Variants in CSMD2 observed in about 807,000 individuals in gnomAD.
CSMD2 encodes CUB and sushi domain-containing protein 2.
CSMD2 carries 130 observed loss-of-function variants against 398.5 expected under a neutral mutation model. The observed-to-expected ratio is 0.33, with a 90% CI of 0.28 to 0.38. The LOEUF (loss-of-function observed/expected upper bound fraction) is 0.38, where lower values mean the gene tolerates loss of function less well. Ranked by LOEUF, CSMD2 falls within the 10% of genes least tolerant of loss-of-function variation. The pLI is 1.00. For missense variants in CSMD2, 3,829 were observed against 4,764.9 expected, an observed-to-expected ratio of 0.80 and a Z score of 5.78; for synonymous variants, 1,828 against 1,908.5, an observed-to-expected ratio of 0.96 and a Z score of 1.10.
chr1:33,922,816 A>AAGCC (rs1643991126), intron 4 of CSMD2, among the ~76,000 whole-genome samples: 1 of 152,080 alleles, frequency 6.6e-6, no homozygotes, highest in South Asian at 2.1e-4. Context: ...GCTGTACCCC[A>AAGCC]AGCCATGTCA....
chr1:33,727,788 G>C (rs1646586219), intron 15 of CSMD2, among the ~76,000 whole-genome samples: 2 of 152,198 alleles, frequency 1.3e-5, no homozygotes, highest in Middle Eastern at 6.8e-3. Context: ...TGATTTTTAA[G>C]CCGCTGGGAT....
At chr1:33,558,298 G>A (rs1005295945) in intron 54 of CSMD2, among the ~76,000 whole-genome samples, 3 of 152,220 alleles carry the variant, frequency 2.0e-5, no homozygotes, top group African/African-American at 7.2e-5. Flanking sequence ...AGCAAAGCTT[G>A]TCAATTGTAA....
rs140783580 is a variant in CSMD2 at position 33,825,714 on chromosome 1, C to A, written c.1094G>T (p.Ser365Ile). 1 of 1,613,072 alleles carries A rather than the reference C, an allele frequency of 6.2e-7. No homozygotes were observed. The highest frequency in any genetic ancestry group is 8.5e-7 in the Non-Finnish European group (1 of 1,179,676). The part of the protein sequence containing the change: ...GVKLMPSKDN[S>I]QKTSVLTQVG... ...ACACTTACACACAGACGTCTTCTGG[C>A]TGTTGTCTTTGCTGGGCATCAGCTT... The change falls in exon 7 of 71, where the codon AGC becomes ATC. Residue 365 changes from serine (S) to isoleucine (I), a missense_variant. Ser to Ile is a moderately radical substitution (Grantham distance 142). This residue lies in a region of CSMD2 where 2,001 missense variants were observed against 2,567.1 expected (regional missense o/e 0.78). Transcript: ENST00000373381.
chr1:33,747,184 A>T (rs973949177), intron 13 of CSMD2, among the ~76,000 whole-genome samples: 3 of 152,218 alleles, frequency 2.0e-5, no homozygotes, highest in African/African-American at 7.2e-5. Flanking sequence ...CAAAAAGCAT[A>T]AAAAAAGATT....
intron 10 of CSMD2, among the ~76,000 whole-genome samples, chr1:33,808,354 T>C (rs1011549495): frequency 6.6e-5 from 10 of 151,802 alleles, no homozygotes; most frequent in African/African-American, 2.4e-4. Context: ...ATGTGAAAAA[T>C]GACCATTTCT....
At chr1:33,590,931 C>T (rs1487176554) in intron 44 of CSMD2, among the ~76,000 whole-genome samples, 1 of 150,240 alleles carries the variant, frequency 6.7e-6, no homozygotes, top group Non-Finnish European at 1.5e-5. Context: ...TGTTATTCCT[C>T]AAGCTGCTGG....
In CSMD2 at chr1:33,635,319, C is replaced by T. The variant is rs745669458; in HGVS notation, c.4981G>A (p.Gly1661Arg). The stretch of plus-strand genomic sequence containing the variant: ...ACTCCGTCCGAACCCACATACTGTC[C>T]CCCACAGGGGGCTGAAAGAGAAACC... ...PRPVCTAPCG[G>R]QYVGSDGVVL... Residue 1661 changes from glycine (G) to arginine (R), a missense_variant, in exon 31 of 71, where the codon GGA becomes AGA. By Grantham distance (125) the Gly-to-Arg change is moderately radical. This residue lies in a region of CSMD2 where 2,001 missense variants were observed against 2,567.1 expected (regional missense o/e 0.78). Transcript: ENST00000373381. The surrounding 1 kb of genome is among the most constrained non-coding windows in gnomAD (Gnocchi z 5.0). 1 of 1,607,588 alleles carries T rather than the reference C, an allele frequency of 6.2e-7. No homozygotes were observed. The highest frequency in any genetic ancestry group is 1.7e-5 in the Admixed American group (1 of 59,884).
chr1:33,947,734 G>C (rs556500831), intron 3 of CSMD2, among the ~76,000 whole-genome samples: 33 of 152,328 alleles, frequency 2.2e-4, no homozygotes, highest in African/African-American at 7.2e-4. Context: ...TTGAGTTCCC[G>C]TAGGGTGTCC....
chr1:33,843,904 G>T (rs1661106068), intron 6 of CSMD2, among the ~76,000 whole-genome samples: 1 of 152,126 alleles, frequency 6.6e-6, no homozygotes, highest in Non-Finnish European at 1.5e-5. Context: ...CTCTTCTATG[G>T]CTCCAGCTCT....
intron 3 of CSMD2, among the ~76,000 whole-genome samples, chr1:34,019,351 A>G (rs1472769795): frequency 6.6e-6 from 1 of 152,216 alleles, no homozygotes; most frequent in Non-Finnish European, 1.5e-5. Flanking sequence ...TCTATTCAGC[A>G]AGACTCTTCA....
Position 33,542,892 on chromosome 1 carries a change from G to A in CSMD2, c.9105C>T (p.Ile3035=). The change falls in exon 58 of 71, where the codon ATC becomes ATT. Residue 3035 remains isoleucine, a synonymous_variant. Transcript: ENST00000373381. ...TTGGAGTCCCAGGGTTCCCACAAGA[G>A]ATCACTAGGAAGACAAAAATACACA... ...WSGSQPECGV[I]SCGNPGTPSN... is the part of the protein sequence containing the mutation. 1 of 1,613,888 alleles carries A rather than the reference G, an allele frequency of 6.2e-7. No individual in the cohort carries two copies. The highest frequency in any genetic ancestry group is 8.5e-7 in the Non-Finnish European group (1 of 1,179,874).
intron 14 of CSMD2, 55 bp downstream of exon 14, chr1:33,743,225 C>T: frequency 6.8e-7 from 1 of 1,474,148 alleles, no homozygotes; most frequent in Non-Finnish European, 9.2e-7. Context: ...CTTCGATCAT[C>T]CTCAGAGGCA....
At chr1:34,043,563 T>C (rs935783440) in intron 2 of CSMD2, among the ~76,000 whole-genome samples, 1 of 152,240 alleles carries the variant, frequency 6.6e-6, no homozygotes. Flanking sequence ...CTTTTCACTA[T>C]ATCACTAGTG....
At chr1:33,935,126 C>T (rs1644435452) in intron 4 of CSMD2, among the ~76,000 whole-genome samples, 1 of 150,544 alleles carries the variant, frequency 6.6e-6, no homozygotes, top group Admixed American at 6.6e-5. Context: ...TGACAAATGT[C>T]TCTGTTGCCT....
At chr1:34,088,951 T>A (rs1249319708) in intron 2 of CSMD2, 26 bp downstream of exon 2, 1 of 1,596,210 alleles carries the variant, frequency 6.3e-7, no homozygotes, top group Non-Finnish European at 8.6e-7. Context: ...AGCTGTTTGC[T>A]ACAGGGAAGG....
chr1:33,981,705 A>G (rs1646173707), intron 3 of CSMD2, among the ~76,000 whole-genome samples: 1 of 152,224 alleles, frequency 6.6e-6, no homozygotes, highest in Admixed American at 6.5e-5. Flanking sequence ...TGACACTGCC[A>G]AGTATGTAAT....
At chr1:33,770,854 G>T (rs1651164641) in intron 13 of CSMD2, among the ~76,000 whole-genome samples, 1 of 152,160 alleles carries the variant, frequency 6.6e-6, no homozygotes, top group African/African-American at 2.4e-5. Context: ...TGCCGGCCCT[G>T]CTTGTGGACA....
chr1:34,115,001 A>G (rs1398217385), intron 1 of CSMD2, among the ~76,000 whole-genome samples: 2 of 152,150 alleles, frequency 1.3e-5, no homozygotes, highest in East Asian at 3.9e-4. Flanking sequence ...TAAGCAGAAA[A>G]AAGAATCAGT....
intron 1 of CSMD2, among the ~76,000 whole-genome samples, chr1:34,103,761 A>AAC (rs145354161): frequency 0.19 from 28,838 of 151,548 alleles, 2,954 homozygotes; most frequent in South Asian, 0.38. Context: ...AATGATGGCA[A>AAC]ACACACACAC....
Sources: gnomAD v4.1 joint callset for allele counts (sites outside exome capture counted in the v4.1 genomes callset) on GRCh38, gnomAD v4.1.1 for gene constraint, gnomAD v4.1.1 regional missense constraint, Gnocchi (gnomAD v3.1) non-coding constraint, MANE v1.5 for transcripts, NCBI Gene and HGNC (gene_info 2026-07-23, HGNC 2026-07-21) for gene names.